VDAC1: variants seen among roughly 807,000 people sequenced by gnomAD.
VDAC1 encodes the protein non-selective voltage-gated ion channel VDAC1.
Under a neutral mutation model 34.7 loss-of-function variants are expected in VDAC1, and 10 were observed. The ratio of observed to expected loss-of-function variants is 0.29; its 90% CI spans 0.18 to 0.49. VDAC1 has a LOEUF of 0.49. VDAC1 is among the 20% of genes least tolerant of loss of function. The pLI, the probability that VDAC1 is intolerant of heterozygous loss-of-function variation, is 0.99. For synonymous variants in VDAC1, 130 were observed against 136.0 expected, an observed-to-expected ratio of 0.96 and a Z score of 0.30; for missense variants, 230 against 347.9, an observed-to-expected ratio of 0.66 and a Z score of 2.69.
At chr5:134,095,280 G>T in the VDAC1 span, among the ~76,000 whole-genome samples, 1 of 151,626 alleles carries the variant, frequency 6.6e-6, no homozygotes, top group Non-Finnish European at 1.5e-5. Flanking sequence ...CCAGGAGTTC[G>T]AGACCAGCCT....
rs146539569 is a variant in VDAC1 at position 133,978,103 on chromosome 5, T to C, written c.552-2082A>G. Reference sequence around the variant, plus strand: ...GAATCCAGCAAAGGGCTTCAGGACCTAAGAACAAAAACTCTAGTCTTCACA... The same window carrying C: ...GAATCCAGCAAAGGGCTTCAGGACCCAAGAACAAAAACTCTAGTCTTCACA... On this transcript the variant is annotated intron_variant, in intron 6 of 8. Coordinates refer to ENST00000265333, the MANE Select transcript of VDAC1 (RefSeq NM_003374.3). Among the ~76,000 whole-genome samples the C allele has an allele frequency of 1.9e-3, 282 of 152,082 alleles. 3 individuals are homozygous for C. Among genetic ancestry groups the C allele is most frequent in the African/African-American group, 6.4e-3 (267 of 41,468 alleles).
chr5:133,993,161 G>A, intron 1 of VDAC1, 143 bp from the exon 2 acceptor site: 2 of 814,148 alleles, frequency 2.5e-6, no homozygotes, highest in Non-Finnish European at 3.8e-6. Flanking sequence ...TCCCAGATGG[G>A]CCAAGAAGCC....
chr5:134,095,340 G>A, the VDAC1 span, among the ~76,000 whole-genome samples: 3 of 152,004 alleles, frequency 2.0e-5, no homozygotes, highest in East Asian at 3.9e-4. Flanking sequence ...AAAATTAGCT[G>A]GGTATGGTGG....
the VDAC1 span, among the ~76,000 whole-genome samples, chr5:134,035,924 T>C: frequency 6.7e-6 from 1 of 150,094 alleles, no homozygotes; most frequent in Non-Finnish European, 1.5e-5. Context: ...GAGAATCGCT[T>C]GGACCCTGGC....
At chr5:133,998,537 C>CA (rs1233342015) in intron 1 of VDAC1, among the ~76,000 whole-genome samples, 3 of 151,946 alleles carry the variant, frequency 2.0e-5, no homozygotes, top group African/African-American at 7.3e-5. Context: ...ACTCCCTCTC[C>CA]AAAAAAACAG....
At chr5:134,078,210 G>C in the VDAC1 span, among the ~76,000 whole-genome samples, 5 of 152,328 alleles carry the variant, frequency 3.3e-5, no homozygotes, top group Admixed American at 2.0e-4. Context: ...TGCCCTCAAA[G>C]AGGCTAGAGA....
the VDAC1 span, among the ~76,000 whole-genome samples, chr5:134,071,574 G>C: frequency 6.6e-6 from 1 of 152,246 alleles, no homozygotes; most frequent in Admixed American, 6.5e-5. The surrounding 1 kb of genome is among the most constrained non-coding windows in gnomAD (Gnocchi z 4.1). Context: ...CAGACCAAAA[G>C]TAACACCTTA....
chr5:134,044,666 C>T, the VDAC1 span, among the ~76,000 whole-genome samples: 21 of 145,066 alleles, frequency 1.4e-4, no homozygotes, highest in African/African-American at 3.3e-4. Flanking sequence ...TGTGTGTGCG[C>T]GCGCGCACAG....
the VDAC1 span, among the ~76,000 whole-genome samples, chr5:134,024,223 G>A: frequency 6.6e-6 from 1 of 151,926 alleles, no homozygotes; most frequent in Non-Finnish European, 1.5e-5. Context: ...GGGCATGGTG[G>A]ATTGCCTGCA....
the VDAC1 span, among the ~76,000 whole-genome samples, chr5:134,075,364 G>A: frequency 6.6e-6 from 1 of 152,042 alleles, no homozygotes; most frequent in Non-Finnish European, 1.5e-5. Flanking sequence ...CTTTCACACT[G>A]CTATTTACAA....
the VDAC1 span, among the ~76,000 whole-genome samples, chr5:134,047,770 C>T: frequency 6.6e-6 from 1 of 152,178 alleles, no homozygotes; most frequent in Non-Finnish European, 1.5e-5. Context: ...TGGCCCAGTG[C>T]TGTCACCACA....
intron 5 of VDAC1, among the ~76,000 whole-genome samples, chr5:133,982,800 G>A (rs2126932519): frequency 6.8e-6 from 1 of 147,768 alleles, no homozygotes; most frequent in South Asian, 2.1e-4. Flanking sequence ...TGAGGCAGGA[G>A]AATCACTTGA....
intron 5 of VDAC1, among the ~76,000 whole-genome samples, chr5:133,982,426 C>T (rs994668500): frequency 3.3e-5 from 5 of 151,018 alleles, no homozygotes; most frequent in African/African-American, 9.8e-5. Flanking sequence ...GCAGGAGAAA[C>T]GCTTGAACCC....
intron 6 of VDAC1, 40 bp downstream of exon 6, chr5:133,980,689 A>ACCCCCCCCC: frequency 1.8e-6 from 1 of 564,056 alleles, no homozygotes; most frequent in Non-Finnish European, 3.4e-6. Flanking sequence ...ACATGCTCCA[A>ACCCCCCCCC]CCCCACCCCT....
the VDAC1 span, among the ~76,000 whole-genome samples, chr5:134,106,914 G>A: frequency 1.3e-5 from 2 of 152,160 alleles, no homozygotes; most frequent in Non-Finnish European, 1.5e-5. Flanking sequence ...AGCCTGTGAG[G>A]GGTGGCTGGC....
the VDAC1 span, among the ~76,000 whole-genome samples, chr5:134,059,968 C>G: frequency 1.3e-5 from 2 of 151,738 alleles, no homozygotes; most frequent in Non-Finnish European, 3.0e-5. Flanking sequence ...ACACCCACCC[C>G]CAGGACTCTG....
At chr5:134,039,633 T>C in the VDAC1 span, among the ~76,000 whole-genome samples, 1 of 152,080 alleles carries the variant, frequency 6.6e-6, no homozygotes, top group Non-Finnish European at 1.5e-5. Context: ...CCGGCAGACG[T>C]GCGTAATTTT....
At chr5:134,092,794 G>A in the VDAC1 span, among the ~76,000 whole-genome samples, 1 of 152,118 alleles carries the variant, frequency 6.6e-6, no homozygotes, top group African/African-American at 2.4e-5. Context: ...AGGAACAAAG[G>A]TATTATACTT....
chr5:134,032,047 C>T, the VDAC1 span, among the ~76,000 whole-genome samples: 15 of 137,460 alleles, frequency 1.1e-4, no homozygotes, highest in African/African-American at 3.3e-4. Context: ...TGCCTGAACC[C>T]GGGAGGTGGA....
Sources: gnomAD v4.1 joint callset for allele counts (sites outside exome capture counted in the v4.1 genomes callset) on GRCh38, gnomAD v4.1.1 for gene constraint, Gnocchi (gnomAD v3.1) non-coding constraint, MANE v1.5 for transcripts, NCBI Gene and HGNC (gene_info 2026-07-23, HGNC 2026-07-21) for gene names.